The following EML6 variants were observed in gnomAD, a reference collection of about 807,000 sequenced individuals.
EML6 encodes EMAP like 6.
EML6 carries 154 observed loss-of-function variants against 240.1 expected under a neutral mutation model. The ratio of observed to expected loss-of-function variants is 0.64; its 90% CI spans 0.56 to 0.73. EML6 has a LOEUF of 0.73. Ranked by LOEUF, EML6 falls within the 30% of genes least tolerant of loss-of-function variation. The probability of loss-of-function intolerance (pLI) is 0.00; values close to 1 mark genes in which losing one functional copy is unlikely to be tolerated. For synonymous variants in EML6, 1,148 were observed against 899.0 expected (o/e 1.28, Z -4.95); for missense variants, 2,964 against 2,474.6 (o/e 1.20, Z -4.20).
At chr2:54,906,449 G>A (rs77672874) in intron 24 of EML6, among the ~76,000 whole-genome samples, 1,684 of 152,254 alleles carry the variant, frequency 0.011, 22 homozygotes, top group Non-Finnish European at 0.018. Context: ...TCACTTGGTG[G>A]AAAGAGAAGC....
chr2:54,763,492 C>A (rs890378231), intron 2 of EML6, among the ~76,000 whole-genome samples: 1 of 152,052 alleles, frequency 6.6e-6, no homozygotes, highest in Non-Finnish European at 1.5e-5. Flanking sequence ...AGAAGTATTC[C>A]AAGCTTCTTT....
chr2:54,757,865 C>G (rs1392550512), intron 2 of EML6, among the ~76,000 whole-genome samples: 1 of 150,832 alleles, frequency 6.6e-6, no homozygotes, highest in Non-Finnish European at 1.5e-5. Flanking sequence ...ACCACTTACT[C>G]ATTTGCTTTC....
chr2:54,844,499 G>C (rs183076101), intron 8 of EML6, among the ~76,000 whole-genome samples: 1 of 152,144 alleles, frequency 6.6e-6, no homozygotes, highest in African/African-American at 2.4e-5. Flanking sequence ...CTGGCTTCCA[G>C]ATCTTTCTAA....
At chr2:54,762,872 C>G (rs1421038067) in intron 2 of EML6, among the ~76,000 whole-genome samples, 5 of 152,146 alleles carry the variant, frequency 3.3e-5, no homozygotes, top group Non-Finnish European at 7.4e-5. Flanking sequence ...GTGATCATTG[C>G]TGTGCCAGAA....
chr2:54,775,556 CTATTT>C (rs1668565953), intron 2 of EML6, among the ~76,000 whole-genome samples: 1 of 152,196 alleles, frequency 6.6e-6, no homozygotes, highest in Middle Eastern at 3.2e-3. Flanking sequence ...CTCTCTCACC[CTATTT>C]TATTTTATTC....
intron 26 of EML6, among the ~76,000 whole-genome samples, chr2:54,922,603 C>T (rs1273303532): frequency 6.6e-6 from 1 of 152,142 alleles, no homozygotes; most frequent in African/African-American, 2.4e-5. Context: ...ATGTTCATTA[C>T]AGCATTATTT....
chr2:54,962,403 C>T, intron 35 of EML6, 120 bp from the exon 36 acceptor site: 5 of 762,732 alleles, frequency 6.6e-6, no homozygotes, highest in Non-Finnish European at 1.0e-5. Flanking sequence ...CCACCACCCC[C>T]ATTCACCGGC....
At chr2:54,863,939 A>C in intron 13 of EML6, 50 bp downstream of exon 13, 61 of 1,004,794 alleles carry the variant, frequency 6.1e-5, no homozygotes, top group Middle Eastern at 2.0e-4. Flanking sequence ...AGGGGATCTC[A>C]TTCCTGGATT....
At chr2:54,761,138 G>A (rs986315214) in intron 2 of EML6, among the ~76,000 whole-genome samples, 2 of 151,952 alleles carry the variant, frequency 1.3e-5, no homozygotes, top group African/African-American at 4.8e-5. Context: ...CATCATTGTT[G>A]AGAAATTGTT....
Position 54,820,408 on chromosome 2 carries a change from C to A in EML6, c.471C>A (p.Ser157=), listed in dbSNP as rs1252525080. The A allele has an allele frequency of 3.9e-6, 6 of 1,549,134 alleles. No individual in the cohort carries two copies. Among genetic ancestry groups the A allele is most frequent in the Non-Finnish European group, 5.2e-6 (6 of 1,145,094 alleles). ...GTTTTGAACAGATTTTTGATATTTC[C>A]TGGGATCCATATCAGCCAAACAGAG... ...TGHSDRIFDI[S]WDPYQPNRVV... The change falls in exon 5 of 42, where the codon TCC becomes TCA. Residue 157 remains serine (S), a synonymous_variant. Transcript: ENST00000356458.
intron 2 of EML6, among the ~76,000 whole-genome samples, chr2:54,771,188 T>A (rs73936455): frequency 6.6e-6 from 1 of 152,114 alleles, no homozygotes; most frequent in East Asian, 1.9e-4. Flanking sequence ...TTTGGAGTTA[T>A]AATTACAGTT....
intron 21 of EML6, among the ~76,000 whole-genome samples, chr2:54,897,367 T>C (rs1408389983): frequency 1.3e-5 from 2 of 152,252 alleles, no homozygotes; most frequent in Admixed American, 6.5e-5. Context: ...AGCAATCATA[T>C]ATTGAGCACC....
At position 54,866,861 on chromosome 2, in the gene EML6, C is replaced by G; in HGVS notation, c.2028C>G (p.Ser676Arg). The change falls in exon 14 of 42, where the codon AGC becomes AGG. Residue 676 changes from serine (S) to arginine (R), a missense_variant. Physicochemically the swap from Ser to Arg is moderately radical, Grantham distance 110. Transcript: ENST00000356458. ...AACGAGAAAAGGCTCCTGAGGACAGCTTGAAACTCCAGTTCATACACGGGT... is the reference window on the plus strand; with the variant it reads ...AACGAGAAAAGGCTCCTGAGGACAGGTTGAAACTCCAGTTCATACACGGGT... ...FLKREKAPED[S>R]LKLQFIHGYR... 6.5e-7 allele frequency: 1 copy of G among 1,550,370 alleles called. No homozygotes were observed. The highest frequency in any genetic ancestry group is 8.7e-7 in the Non-Finnish European group (1 of 1,145,868).
intron 16 of EML6, among the ~76,000 whole-genome samples, chr2:54,879,164 T>C (rs1671684182): frequency 6.6e-6 from 1 of 152,236 alleles, no homozygotes. Flanking sequence ...GATTTGTTTG[T>C]CACAAAATAG....
At chr2:54,954,227 C>G (rs1229956413) in intron 32 of EML6, 71 bp downstream of exon 32, 2 of 1,377,400 alleles carry the variant, frequency 1.5e-6, no homozygotes, top group African/African-American at 2.9e-5. Context: ...GGGCTCGAAC[C>G]CAGATCTGCC....
At chr2:54,933,521 G>A in intron 28 of EML6, among the ~76,000 whole-genome samples, 1 of 152,090 alleles carries the variant, frequency 6.6e-6, no homozygotes, top group Middle Eastern at 3.2e-3. Context: ...ATTACATGAG[G>A]CCAGGAATTC....
At chr2:54,927,426 C>A (rs1236445594) in intron 26 of EML6, among the ~76,000 whole-genome samples, 4 of 152,226 alleles carry the variant, frequency 2.6e-5, no homozygotes, top group African/African-American at 7.2e-5. Context: ...GTGACTCTGT[C>A]ACAACCTCAG....
chr2:54,970,265 A>T lies in EML6; in HGVS notation c.*170A>T, dbSNP rs181673126. On this transcript the variant is annotated 3_prime_UTR_variant, in exon 42 of 42. Transcript: ENST00000356458. ...TTACACAACTGCTCCCATAATCTGG[A>T]CTCTCCAAAACCGTGATGCCACGAA... The T allele has an allele frequency of 9.3e-4, 619 of 663,752 alleles. 3 individuals are homozygous for T. The highest frequency in any genetic ancestry group is 3.5e-3 in the Middle Eastern group (9 of 2,596). 41.1% of individuals were successfully genotyped at this position (663,752 alleles called of 1,614,324 possible).
chr2:54,900,140 G>A (rs1344307933), intron 22 of EML6, among the ~76,000 whole-genome samples: 1 of 152,154 alleles, frequency 6.6e-6, no homozygotes, highest in African/African-American at 2.4e-5. Flanking sequence ...CTTATTTTAT[G>A]ACTTGAAAAC....
Sources: allele counts gnomAD v4.1 joint callset (sites outside exome capture counted in the v4.1 genomes callset), GRCh38; gene constraint gnomAD v4.1.1; transcripts MANE v1.5; gene names NCBI Gene and HGNC (gene_info 2026-07-23, HGNC 2026-07-21).